The following DAB1 variants were observed in gnomAD, a reference collection of about 807,000 sequenced individuals.
DAB1 encodes disabled homolog 1.
A neutral mutation model predicts 64.6 loss-of-function variants in DAB1; 15 were observed. That is an observed-to-expected ratio of 0.23 (90% confidence interval 0.16 to 0.36). The LOEUF is 0.36. DAB1 is among the 10% of genes least tolerant of loss of function. The pLI is 1.00. For synonymous variants in DAB1, 235 were observed against 251.9 expected (o/e 0.93, Z 0.64); for missense variants, 596 against 706.7 (o/e 0.84, Z 1.78).
At chr1:58,143,053 C>T (rs1268251910) in intron 5 of DAB1, among the ~76,000 whole-genome samples, 19 of 152,056 alleles carry the variant, frequency 1.2e-4, no homozygotes, top group Admixed American at 1.2e-3. Flanking sequence ...TTAGAAACTC[C>T]GGTGGTGAAA....
At chr1:57,126,801 T>A (rs1657165708) in intron 4 of DAB1, among the ~76,000 whole-genome samples, 1 of 152,184 alleles carries the variant, frequency 6.6e-6, no homozygotes, top group Non-Finnish European at 1.5e-5. Context: ...CCAGGCTCAA[T>A]CCTGGTTACC....
At chr1:57,366,970 G>A (rs951960279) in intron 1 of DAB1, among the ~76,000 whole-genome samples, 14 of 151,718 alleles carry the variant, frequency 9.2e-5, no homozygotes, top group Non-Finnish European at 2.9e-5. Context: ...ACTTTGGGAG[G>A]CAGAGGCAGG....
intron 3 of DAB1, among the ~76,000 whole-genome samples, chr1:58,350,835 T>C (rs1172428388): frequency 6.6e-6 from 1 of 152,180 alleles, no homozygotes; most frequent in Non-Finnish European, 1.5e-5. Flanking sequence ...TTGGTACCAG[T>C]ACCATGCTGT....
chr1:57,912,515 CCCTTTGAAAACTGGCACAAG>C, intron 5 of DAB1, among the ~76,000 whole-genome samples: 1 of 152,116 alleles, frequency 6.6e-6, no homozygotes, highest in East Asian at 1.9e-4. Flanking sequence ...TGGAAGCATT[CCCTTTGAAAACTGGCACAAG>C]ACAGGGATGC....
intron 3 of DAB1, among the ~76,000 whole-genome samples, chr1:58,427,310 CA>C (rs1644831002): frequency 6.6e-6 from 1 of 152,116 alleles, no homozygotes. Context: ...GCCCTCTAGA[CA>C]TACTAAGGAC....
chr1:57,719,133 T>C (rs1338010951), intron 6 of DAB1, among the ~76,000 whole-genome samples: 2 of 152,248 alleles, frequency 1.3e-5, no homozygotes, highest in Non-Finnish European at 2.9e-5. Context: ...ATTCAAAATT[T>C]CCATGGCCGC....
intron 3 of DAB1, among the ~76,000 whole-genome samples, chr1:58,437,141 T>C (rs1179146301): frequency 2.0e-5 from 3 of 152,220 alleles, no homozygotes; most frequent in African/African-American, 7.2e-5. Flanking sequence ...CAGAGAATAG[T>C]TGTCAAATGT....
intron 4 of DAB1, among the ~76,000 whole-genome samples, chr1:58,223,965 A>G (rs576232053): frequency 6.6e-6 from 1 of 152,306 alleles, no homozygotes; most frequent in Non-Finnish European, 1.5e-5. Context: ...ACCTTGGCCT[A>G]TCTGCTCCTC....
chr1:57,933,729 T>C (rs1401342986), intron 5 of DAB1, among the ~76,000 whole-genome samples: 2 of 152,160 alleles, frequency 1.3e-5, no homozygotes, highest in African/African-American at 2.4e-5. Context: ...TCCTTCTCTT[T>C]GGTAAACAGC....
intron 2 of DAB1, among the ~76,000 whole-genome samples, chr1:57,272,934 G>A (rs1419246670): frequency 3.9e-5 from 6 of 152,102 alleles, no homozygotes; most frequent in Admixed American, 2.6e-4. Context: ...AGAATACCAG[G>A]GCTTCCCTCT....
chr1:57,158,470 G>C (rs1660447480), intron 2 of DAB1, among the ~76,000 whole-genome samples: 1 of 152,180 alleles, frequency 6.6e-6, no homozygotes, highest in African/African-American at 2.4e-5. Context: ...CTGATGATAA[G>C]AAAATTTCGA....
chr1:58,180,757 A>C (rs1656747747), intron 4 of DAB1, among the ~76,000 whole-genome samples: 1 of 152,138 alleles, frequency 6.6e-6, no homozygotes, highest in Non-Finnish European at 1.5e-5. Context: ...GCATTGTCTA[A>C]TTGCCAAATA....
chr1:57,780,666 C>T (rs1296043454), intron 6 of DAB1, among the ~76,000 whole-genome samples: 2 of 151,994 alleles, frequency 1.3e-5, no homozygotes, highest in Non-Finnish European at 2.9e-5. Context: ...TTACCATATT[C>T]CTACTACCAC....
chr1:57,652,473 C>G (rs186394199), intron 6 of DAB1, among the ~76,000 whole-genome samples: 23 of 152,248 alleles, frequency 1.5e-4, no homozygotes, highest in Non-Finnish European at 2.6e-4. Context: ...TTAGCTGGCT[C>G]TACGTGTAAA....
chr1:57,575,922 A>T (rs181156216), intron 7 of DAB1, among the ~76,000 whole-genome samples: 9 of 152,328 alleles, frequency 5.9e-5, no homozygotes, highest in African/African-American at 1.9e-4. Context: ...GGCTTGAATT[A>T]GGTTCACCCC....
At chr1:57,548,249 T>C (rs1644876999) in intron 7 of DAB1, among the ~76,000 whole-genome samples, 1 of 152,182 alleles carries the variant, frequency 6.6e-6, no homozygotes, top group Non-Finnish European at 1.5e-5. Context: ...ACAACCACAC[T>C]CTGCAACAGG....
At chr1:58,449,735 C>A (rs1645111710) in intron 3 of DAB1, among the ~76,000 whole-genome samples, 2 of 126,956 alleles carry the variant, frequency 1.6e-5, no homozygotes, top group African/African-American at 5.5e-5. Flanking sequence ...AAGGAGACAA[C>A]TTCCTGAAGC....
chr1:57,606,690 AAT>A (rs1182551998), intron 7 of DAB1, among the ~76,000 whole-genome samples: 48 of 127,440 alleles, frequency 3.8e-4, no homozygotes, highest in Admixed American at 1.4e-3. Flanking sequence ...TTATGTATGA[AAT>A]ATATATATGA....
At chr1:57,816,761 C>T (rs968115456) in intron 6 of DAB1, among the ~76,000 whole-genome samples, 3 of 152,190 alleles carry the variant, frequency 2.0e-5, no homozygotes, top group Non-Finnish European at 4.4e-5. Context: ...CAGGCTATCA[C>T]TCCTACGTCT....
Sources: gnomAD v4.1 joint callset for allele counts (sites outside exome capture counted in the v4.1 genomes callset) on GRCh38, gnomAD v4.1.1 for gene constraint, MANE v1.5 for transcripts, NCBI Gene and HGNC (gene_info 2026-07-23, HGNC 2026-07-21) for gene names.